Variants in SUMO2 observed in about 807,000 individuals in gnomAD.
SUMO2 encodes the protein small ubiquitin-related modifier 2.
SUMO2 carries 1 observed loss-of-function variant against 16.0 expected under a neutral mutation model. The observed-to-expected ratio is 0.06, with a 90% CI of 0.02 to 0.30. The LOEUF is 0.30. SUMO2 is among the 10% of genes least tolerant of loss of function. The probability of loss-of-function intolerance (pLI) is 1.00; values close to 1 mark genes in which losing one functional copy is unlikely to be tolerated. For synonymous variants in SUMO2, 36 were observed against 40.6 expected, an observed-to-expected ratio of 0.89 and a Z score of 0.43; for missense variants, 16 against 117.5, an observed-to-expected ratio of 0.14 and a Z score of 3.99.
intron 1 of SUMO2, 113 bp downstream of exon 1, chr17:75,182,701 C>T (rs923802701): frequency 4.3e-6 from 4 of 935,688 alleles, no homozygotes; most frequent in Non-Finnish European, 5.5e-6. Context: ...CGCGGCCGGC[C>T]CCGTGGGGGG....
intron 3 of SUMO2, among the ~76,000 whole-genome samples, chr17:75,172,019 T>C (rs1040957678): frequency 6.6e-5 from 10 of 151,794 alleles, no homozygotes; most frequent in African/African-American, 2.4e-4. Context: ...GCCTTTTTTT[T>C]TTTTTTTGAC....
At chr17:75,177,142 G>A (rs1022344122) in intron 2 of SUMO2, among the ~76,000 whole-genome samples, 39 of 151,012 alleles carry the variant, frequency 2.6e-4, no homozygotes, top group African/African-American at 9.0e-4. Flanking sequence ...AGCCGAGATC[G>A]TGCCATTGCA....
intron 1 of SUMO2, 102 bp downstream of exon 1, chr17:75,182,712 C>G (rs1212909360): frequency 1.9e-6 from 2 of 1,053,106 alleles, no homozygotes; most frequent in South Asian, 4.7e-5. Flanking sequence ...CCGTGGGGGG[C>G]CCGGGAAAGC....
intron 3 of SUMO2, among the ~76,000 whole-genome samples, chr17:75,169,157 A>G (rs138828339): frequency 1.2e-3 from 182 of 151,994 alleles, no homozygotes; most frequent in African/African-American, 4.1e-3. Flanking sequence ...AATTGAGCCC[A>G]TAAGATCAAG....
intron 3 of SUMO2, among the ~76,000 whole-genome samples, chr17:75,170,025 T>C (rs572224863): frequency 6.7e-6 from 1 of 150,256 alleles, no homozygotes; most frequent in Non-Finnish European, 1.5e-5. Flanking sequence ...AAAAATTAGC[T>C]GGGCGTGGTG....
At chr17:75,181,818 C>A (rs1440705868) in intron 1 of SUMO2, among the ~76,000 whole-genome samples, 1 of 152,160 alleles carries the variant, frequency 6.6e-6, no homozygotes, top group African/African-American at 2.4e-5. Context: ...GTTAAGAGCA[C>A]TTATTCTCCC....
In SUMO2 at chr17:75,174,734, TAGGAG is replaced by T. The variant is rs2074768491; in HGVS notation, c.225+13_225+17del. The T allele has an allele frequency of 3.1e-6, 5 of 1,608,578 alleles. No individual in the cohort carries two copies. The highest frequency in any genetic ancestry group is 4.2e-6 in the Non-Finnish European group (5 of 1,177,486). On this transcript the variant is annotated intron_variant, in intron 3 of 3. Coordinates refer to ENST00000420826, the MANE Select transcript of SUMO2 (RefSeq NM_006937.4). ...AATTACAAATGGTAATTTTTCTAAT[TAGGAG>T]AGATTTTTTTACCTGTGCAGGTGTG...
At chr17:75,173,482 T>G (rs539030720) in intron 3 of SUMO2, among the ~76,000 whole-genome samples, 90 of 151,852 alleles carry the variant, frequency 5.9e-4, no homozygotes, top group African/African-American at 2.1e-3. Context: ...AAGTCATTTT[T>G]TTTTTTTTTT....
intron 2 of SUMO2, among the ~76,000 whole-genome samples, chr17:75,179,320 G>C (rs1296413318): frequency 6.6e-6 from 1 of 152,148 alleles, no homozygotes; most frequent in Non-Finnish European, 1.5e-5. Context: ...CCTGAGGTCA[G>C]GAGCTCAAGA....
intron 2 of SUMO2, among the ~76,000 whole-genome samples, chr17:75,179,583 A>C (rs1282526542): frequency 6.6e-6 from 1 of 151,842 alleles, no homozygotes; most frequent in Non-Finnish European, 1.5e-5. Context: ...GAAGGTTTAC[A>C]TATCAATTAT....
intron 3 of SUMO2, 32 bp from the exon 4 acceptor site, chr17:75,168,433 ACT>A: frequency 6.4e-7 from 1 of 1,572,614 alleles, no homozygotes; most frequent in Non-Finnish European, 8.6e-7. Context: ...ATGTAAAAGC[ACT>A]GATTAAGTTC....
At chr17:75,176,875 T>C (rs1003540629) in intron 2 of SUMO2, among the ~76,000 whole-genome samples, 2 of 151,970 alleles carry the variant, frequency 1.3e-5, no homozygotes. Context: ...AAAAACAGTA[T>C]ATAACCATCA....
intron 3 of SUMO2, among the ~76,000 whole-genome samples, chr17:75,168,940 C>G (rs1485705352): frequency 6.6e-6 from 1 of 151,768 alleles, no homozygotes; most frequent in Non-Finnish European, 1.5e-5. Context: ...AGAATATTAG[C>G]CAGGTGCGGT....
At position 75,172,125 on chromosome 17, in the gene SUMO2, C is replaced by A. The variant is rs2074744620; in HGVS notation, c.225+2627G>T. ...CTGACACCTTTCCCCCGCCCAGATT[C>A]TCCTGGCTCAATCTCCCGAGTAGCT... On this transcript the variant is annotated intron_variant, in intron 3 of 3. Coordinates refer to ENST00000420826, the MANE Select transcript of SUMO2 (RefSeq NM_006937.4). Among the ~76,000 whole-genome samples the A allele has an allele frequency of 2.0e-5, 3 of 151,592 alleles. No homozygotes were observed. The South Asian group carries it at 6.3e-4, about 32-fold the overall frequency.
At chr17:75,176,763 A>G (rs2074785404) in intron 2 of SUMO2, among the ~76,000 whole-genome samples, 1 of 152,172 alleles carries the variant, frequency 6.6e-6, no homozygotes, top group Non-Finnish European at 1.5e-5. Context: ...ACTAAAAAAC[A>G]CACTTCAGGA....
intron 3 of SUMO2, among the ~76,000 whole-genome samples, chr17:75,171,690 C>A (rs541007381): frequency 6.6e-6 from 1 of 152,144 alleles, no homozygotes; most frequent in South Asian, 2.1e-4. Context: ...TTTTAAAATG[C>A]CTCAAGGTCA....
chr17:75,178,512 A>AG, intron 2 of SUMO2, among the ~76,000 whole-genome samples: 1 of 149,748 alleles, frequency 6.7e-6, no homozygotes, highest in Non-Finnish European at 1.5e-5. Flanking sequence ...AGACTCTCAA[A>AG]AAAAAAAAAA....
At chr17:75,179,933 C>A (rs1344004915) in intron 2 of SUMO2, among the ~76,000 whole-genome samples, 8 of 152,172 alleles carry the variant, frequency 5.3e-5, no homozygotes, top group African/African-American at 1.7e-4. Flanking sequence ...ATATGAGCCA[C>A]TGCATCAGGC....
In SUMO2 at chr17:75,179,527, CAAAAAAAA is replaced by C. The variant is rs35348154; in HGVS notation, c.153+1522_153+1529del. On this transcript the variant is annotated intron_variant, in intron 2 of 3. Coordinates refer to ENST00000420826, the MANE Select transcript of SUMO2 (RefSeq NM_006937.4). ...TGGACAACAGAGCGAGACTCTGTCT[CAAAAAAAA>C]AAAAAAAAAAGGTATCTTTATAAGG... Among the ~76,000 whole-genome samples the C allele has an allele frequency of 5.1e-5, 5 of 97,232 alleles. No individual in the cohort carries two copies. The Admixed American group carries it at 5.3e-4, about 10-fold the overall frequency. 63.8% of individuals were successfully genotyped at this position (97,232 alleles called of 152,430 possible). A position where few individuals can be genotyped will look rare whatever the true frequency, so the allele number is the denominator to read the frequency against.
Sources: allele counts gnomAD v4.1 joint callset (sites outside exome capture counted in the v4.1 genomes callset), GRCh38; gene constraint gnomAD v4.1.1; transcripts MANE v1.5; gene names NCBI Gene and HGNC (gene_info 2026-07-23, HGNC 2026-07-21).